The following SLC14A2 variants were observed in gnomAD, a reference collection of about 807,000 sequenced individuals.
The protein encoded by SLC14A2 is urea transporter 2.
SLC14A2 carries 91 observed loss-of-function variants against 104.6 expected under a neutral mutation model. The ratio of observed to expected loss-of-function variants is 0.87; its 90% CI spans 0.73 to 1.04. SLC14A2 has a LOEUF of 1.04. SLC14A2 is among the 50% of genes least tolerant of loss of function. The pLI, the probability that SLC14A2 is intolerant of heterozygous loss-of-function variation, is 0.00. For missense variants in SLC14A2, 1,189 were observed against 1,156.0 expected, an observed-to-expected ratio of 1.03 and a Z score of -0.41; for synonymous variants, 476 against 466.4, an observed-to-expected ratio of 1.02 and a Z score of -0.27.
intron 1 of SLC14A2, among the ~76,000 whole-genome samples, chr18:45,302,779 G>A (rs1403359178): frequency 1.3e-5 from 2 of 152,164 alleles, no homozygotes; most frequent in African/African-American, 2.4e-5. Context: ...TAAAATACAT[G>A]TGGAATAATA....
chr18:45,212,772 C>T (rs544632246), upstream of SLC14A2, among the ~76,000 whole-genome samples: 3 of 152,286 alleles, frequency 2.0e-5, no homozygotes, highest in South Asian at 2.1e-4. Context: ...AACTTAAAGA[C>T]GTATAAAACA....
chr18:45,339,070 G>A (rs1283823735), intron 1 of SLC14A2, among the ~76,000 whole-genome samples: 1 of 152,114 alleles, frequency 6.6e-6, no homozygotes, highest in Admixed American at 6.5e-5. Flanking sequence ...CCAAGTAGCT[G>A]GGATTACAGG....
chr18:45,593,855 A>G (rs901697082), intron 2 of SLC14A2, among the ~76,000 whole-genome samples: 3 of 152,154 alleles, frequency 2.0e-5, no homozygotes, highest in African/African-American at 7.2e-5. Flanking sequence ...ATTTGTATTG[A>G]TCTCTAGTAT....
At chr18:45,412,019 C>T (rs59781415) in intron 1 of SLC14A2, among the ~76,000 whole-genome samples, 2,563 of 152,270 alleles carry the variant, frequency 0.017, 67 homozygotes, top group African/African-American at 0.058. Flanking sequence ...TCCTTCCATC[C>T]TGGCACTTAT....
At chr18:45,581,363 G>C (rs185584267) in intron 2 of SLC14A2, among the ~76,000 whole-genome samples, 3 of 152,288 alleles carry the variant, frequency 2.0e-5, no homozygotes. Context: ...GGATGTCCAG[G>C]CTCAGTATCC....
the SLC14A2 span, among the ~76,000 whole-genome samples, chr18:45,195,986 T>C: frequency 6.6e-6 from 1 of 151,930 alleles, no homozygotes; most frequent in African/African-American, 2.4e-5. Context: ...AGCCACGTGG[T>C]GGAAGAAGAT....
At chr18:45,645,177 C>T (rs2144567281) in intron 10 of SLC14A2, among the ~76,000 whole-genome samples, 1 of 152,304 alleles carries the variant, frequency 6.6e-6, no homozygotes, top group South Asian at 2.1e-4. Context: ...TCATCCATGT[C>T]CCTGCAAAGG....
intron 9 of SLC14A2, 75 bp from the exon 10 acceptor site, chr18:45,643,911 C>A: frequency 1.5e-6 from 2 of 1,318,538 alleles, no homozygotes; most frequent in Non-Finnish European, 2.1e-6. Flanking sequence ...CCTGTCACAT[C>A]CTTCTCCCCC....
chr18:45,325,374 C>G (rs1245882272), intron 1 of SLC14A2, among the ~76,000 whole-genome samples: 2 of 152,168 alleles, frequency 1.3e-5, no homozygotes, highest in African/African-American at 4.8e-5. Context: ...TGGATATATT[C>G]ATAAGACTGT....
At chr18:45,565,414 C>A (rs1404906011) in intron 2 of SLC14A2, among the ~76,000 whole-genome samples, 1 of 152,006 alleles carries the variant, frequency 6.6e-6, no homozygotes, top group Non-Finnish European at 1.5e-5. Flanking sequence ...GCATGAGCCA[C>A]CACACCCAGC....
intron 10 of SLC14A2, among the ~76,000 whole-genome samples, chr18:45,662,719 G>A (rs775211364): frequency 9.2e-5 from 14 of 152,102 alleles, no homozygotes; most frequent in Admixed American, 4.6e-4. Flanking sequence ...AAGGCCAAAT[G>A]AGTCAACCCA....
chr18:45,301,413 G>A (rs182812650), intron 1 of SLC14A2, among the ~76,000 whole-genome samples: 160 of 152,350 alleles, frequency 1.1e-3, no homozygotes, highest in Non-Finnish European at 1.3e-3. Flanking sequence ...TTCAGAGGCA[G>A]CAGAAGTAGT....
chr18:45,377,284 C>T (rs1039079586), intron 1 of SLC14A2, among the ~76,000 whole-genome samples: 12 of 151,534 alleles, frequency 7.9e-5, no homozygotes, highest in African/African-American at 2.2e-4. Flanking sequence ...CTTTTCTTTT[C>T]CCCTAAACAC....
chr18:45,630,713 A>T (rs2045330029), intron 4 of SLC14A2, among the ~76,000 whole-genome samples: 1 of 152,076 alleles, frequency 6.6e-6, no homozygotes, highest in Non-Finnish European at 1.5e-5. Flanking sequence ...AAAAATAATG[A>T]TTTTCCCAAA....
chr18:45,674,296 A>G (rs896578104), intron 18 of SLC14A2, among the ~76,000 whole-genome samples: 1 of 152,220 alleles, frequency 6.6e-6, no homozygotes, highest in Non-Finnish European at 1.5e-5. Flanking sequence ...TTTTGAGCAG[A>G]ACATTTAAAA....
chr18:45,220,227 C>T (rs755145931), intron 1 of SLC14A2, among the ~76,000 whole-genome samples: 6 of 152,168 alleles, frequency 3.9e-5, no homozygotes, highest in Non-Finnish European at 8.8e-5. Flanking sequence ...AGTGTCATCC[C>T]GTCCTGTTTA....
chr18:45,368,138 T>G (rs1017967606), intron 1 of SLC14A2, among the ~76,000 whole-genome samples: 5 of 152,070 alleles, frequency 3.3e-5, no homozygotes, highest in African/African-American at 1.2e-4. Context: ...ACTCTGATGT[T>G]TTCCCTTTAC....
At chr18:45,674,430 G>A (rs2046193331) in intron 18 of SLC14A2, among the ~76,000 whole-genome samples, 1 of 152,058 alleles carries the variant, frequency 6.6e-6, no homozygotes, top group Admixed American at 6.5e-5. Context: ...TTCTGGATCA[G>A]CTATGGCCAC....
chr18:45,405,957 T>C (rs1462163748), intron 1 of SLC14A2, among the ~76,000 whole-genome samples: 1 of 152,102 alleles, frequency 6.6e-6, no homozygotes, highest in African/African-American at 2.4e-5. Context: ...TAATTTTTTT[T>C]ACTGGTAGAT....
Sources: gnomAD v4.1 joint callset for allele counts (sites outside exome capture counted in the v4.1 genomes callset) on GRCh38, gnomAD v4.1.1 for gene constraint, MANE v1.5 for transcripts, NCBI Gene and HGNC (gene_info 2026-07-23, HGNC 2026-07-21) for gene names.